Variants in ADARB2 observed in about 807,000 individuals in gnomAD.
ADARB2 encodes adenosine deaminase RNA specific B2 (inactive), also known as inactive double-stranded RNA-specific editase B2.
ADARB2 carries 25 observed loss-of-function variants against 62.2 expected under a neutral mutation model. That is an observed-to-expected ratio of 0.40 (90% CI 0.29 to 0.56). The LOEUF (loss-of-function observed/expected upper bound fraction) is 0.56, where lower values mean the gene tolerates loss of function less well. ADARB2 is among the 20% of genes least tolerant of loss of function. The probability of loss-of-function intolerance (pLI) is 0.43; values close to 1 mark genes in which losing one functional copy is unlikely to be tolerated. For synonymous variants in ADARB2, 572 were observed against 500.8 expected (o/e 1.14, Z -1.90); for missense variants, 1,071 against 1,077.4 (o/e 0.99, Z 0.08).
At chr10:1,722,910 T>C (rs1835111273) in intron 1 of ADARB2, among the ~76,000 whole-genome samples, 1 of 152,228 alleles carries the variant, frequency 6.6e-6, no homozygotes, top group African/African-American at 2.4e-5. Context: ...TACATACGTG[T>C]ATATTTACCC....
chr10:1,404,909 C>T (rs1002915153), intron 1 of ADARB2, among the ~76,000 whole-genome samples: 3 of 152,224 alleles, frequency 2.0e-5, no homozygotes, highest in Non-Finnish European at 2.9e-5. Context: ...TGGTCCTTTT[C>T]GTTAGATTGT....
At chr10:1,204,705 C>T (rs766980126) in intron 7 of ADARB2, among the ~76,000 whole-genome samples, 15 of 152,216 alleles carry the variant, frequency 9.9e-5, no homozygotes, top group Non-Finnish European at 1.3e-4. Flanking sequence ...AGGTCCCCTC[C>T]TGTGTCCAGC....
At chr10:1,609,465 G>A (rs902092723) in intron 1 of ADARB2, among the ~76,000 whole-genome samples, 1 of 152,228 alleles carries the variant, frequency 6.6e-6, no homozygotes, top group African/African-American at 2.4e-5. Flanking sequence ...TCAGGGCCAA[G>A]AAGCCTCCTG....
At chr10:1,495,734 GTCA>G (rs1173467378) in intron 1 of ADARB2, among the ~76,000 whole-genome samples, 3 of 151,208 alleles carry the variant, frequency 2.0e-5, no homozygotes, top group East Asian at 1.9e-4. Flanking sequence ...CATCATCATA[GTCA>G]TCATCACCAT....
At chr10:1,666,745 C>T (rs1286735641) in intron 1 of ADARB2, among the ~76,000 whole-genome samples, 1 of 152,210 alleles carries the variant, frequency 6.6e-6, no homozygotes, top group Non-Finnish European at 1.5e-5. Context: ...AGCTCATCCA[C>T]CCATAGGCTC....
intron 1 of ADARB2, among the ~76,000 whole-genome samples, chr10:1,532,979 G>T (rs1333719313): frequency 6.6e-6 from 1 of 152,162 alleles, no homozygotes; most frequent in Non-Finnish European, 1.5e-5. Flanking sequence ...GGGAGGAACC[G>T]CATCCTGTGT....
At chr10:1,692,793 C>T (rs923558201) in intron 1 of ADARB2, among the ~76,000 whole-genome samples, 19 of 152,132 alleles carry the variant, frequency 1.2e-4, no homozygotes, top group African/African-American at 4.3e-4. Flanking sequence ...AGAATAAGAA[C>T]GGTCAAAATA....
chr10:1,451,828 G>A (rs1831043920), intron 1 of ADARB2, among the ~76,000 whole-genome samples: 1 of 152,214 alleles, frequency 6.6e-6, no homozygotes, highest in Non-Finnish European at 1.5e-5. Context: ...CCATGTGCCA[G>A]GGCCCCATGG....
chr10:1,640,503 T>C (rs902740764), intron 1 of ADARB2, among the ~76,000 whole-genome samples: 27 of 152,198 alleles, frequency 1.8e-4, no homozygotes, highest in Admixed American at 9.2e-4. Flanking sequence ...ACATAAAATA[T>C]GAGGAAAACA....
chr10:1,224,042 C>T (rs985815796), intron 6 of ADARB2, among the ~76,000 whole-genome samples: 6 of 152,104 alleles, frequency 3.9e-5, no homozygotes, highest in Non-Finnish European at 7.4e-5. Flanking sequence ...GGCTGTGAAC[C>T]CCATCTGGTC....
chr10:1,736,924 A>C, intron 1 of ADARB2, 127 bp downstream of exon 1: 1 of 916,992 alleles, frequency 1.1e-6, no homozygotes, highest in Non-Finnish European at 1.7e-6. Context: ...TGCACGGAGC[A>C]GCCATCCCGC....
chr10:1,190,712 A>AT (rs1836830244), intron 8 of ADARB2, among the ~76,000 whole-genome samples: 1 of 152,158 alleles, frequency 6.6e-6, no homozygotes, highest in Non-Finnish European at 1.5e-5. Context: ...TGCATGTGCC[A>AT]TATCTCCCCC....
intron 1 of ADARB2, among the ~76,000 whole-genome samples, chr10:1,594,668 AAGGGG>A (rs1833307231): frequency 1.3e-5 from 2 of 152,176 alleles, no homozygotes; most frequent in South Asian, 4.1e-4. Flanking sequence ...TTGGCTAAGC[AAGGGG>A]CTCCTTTTCA....
chr10:1,519,822 C>T (rs574965913), intron 1 of ADARB2, among the ~76,000 whole-genome samples: 2 of 152,186 alleles, frequency 1.3e-5, no homozygotes, highest in East Asian at 3.9e-4. Context: ...GTAACTCTTA[C>T]CTCCCTTTGC....
At chr10:1,352,571 C>T (rs1832153991) in intron 3 of ADARB2, among the ~76,000 whole-genome samples, 2 of 152,214 alleles carry the variant, frequency 1.3e-5, no homozygotes, top group South Asian at 4.1e-4. Context: ...TTTAGCCCAG[C>T]CCTCATGTCT....
intron 6 of ADARB2, among the ~76,000 whole-genome samples, chr10:1,221,561 TCC>T (rs71495931): frequency 1.3e-5 from 2 of 150,534 alleles, no homozygotes; most frequent in Admixed American, 6.6e-5. Flanking sequence ...ATGCTATCCC[TCC>T]CCCCTCACCC....
intron 1 of ADARB2, among the ~76,000 whole-genome samples, chr10:1,576,554 C>A (rs1175279382): frequency 6.6e-6 from 1 of 152,104 alleles, no homozygotes; most frequent in Non-Finnish European, 1.5e-5. Flanking sequence ...CAGGTGGGAC[C>A]CCAGGGATAA....
intron 7 of ADARB2, among the ~76,000 whole-genome samples, chr10:1,203,426 G>T (rs1293983752): frequency 6.6e-6 from 1 of 152,244 alleles, no homozygotes; most frequent in African/African-American, 2.4e-5. Context: ...GCCTGTTTTG[G>T]ACGCTTTGGT....
rs139054291 is a variant in ADARB2 at position 1,395,727 on chromosome 10, G to A, written c.101-16567C>T. Among the ~76,000 whole-genome samples the A allele has an allele frequency of 4.9e-4, 75 of 152,286 alleles. No homozygotes were observed. In the East Asian group the frequency reaches 0.011, roughly 22 times the overall value. ...CCCTATCTGCGTCCTGGGCAGCTGC[G>A]GGAATCCAATGAGACAAGGACCGGG... On this transcript the variant is annotated intron_variant, in intron 1 of 9. Transcript: ENST00000381312.
Sources: allele counts gnomAD v4.1 joint callset (sites outside exome capture counted in the v4.1 genomes callset), GRCh38; gene constraint gnomAD v4.1.1; transcripts MANE v1.5; gene names NCBI Gene and HGNC (gene_info 2026-07-23, HGNC 2026-07-21).